MMD2: variants seen among roughly 807,000 people sequenced by gnomAD.
MMD2 encodes the protein monocyte to macrophage differentiation associated 2.
A neutral mutation model predicts 33.5 loss-of-function variants in MMD2; 30 were observed. The observed-to-expected ratio is 0.90, with a 90% CI of 0.67 to 1.22. The LOEUF (loss-of-function observed/expected upper bound fraction) is 1.22, where lower values mean the gene tolerates loss of function less well. Among genes scored for constraint, MMD2 ranks in the 50% most tolerant of loss-of-function variants. The pLI is 0.00. For missense variants in MMD2, 364 were observed against 325.4 expected (o/e 1.12, Z -0.91); for synonymous variants, 129 against 123.0 (o/e 1.05, Z -0.32).
chr7:4,931,579 C>G (rs990259602), intron 1 of MMD2, among the ~76,000 whole-genome samples: 1 of 152,078 alleles, frequency 6.6e-6, no homozygotes, highest in African/African-American at 2.4e-5. Context: ...CAGGTGCACT[C>G]CACCATGCCC....
intron 1 of MMD2, among the ~76,000 whole-genome samples, chr7:4,939,058 C>T (rs1318928593): frequency 2.0e-5 from 3 of 151,854 alleles, no homozygotes; most frequent in Non-Finnish European, 4.4e-5. Context: ...AAATACAAAA[C>T]AATTAGCTGA....
intron 1 of MMD2, among the ~76,000 whole-genome samples, chr7:4,948,756 C>G (rs1182282637): frequency 6.6e-6 from 1 of 152,180 alleles, no homozygotes; most frequent in Non-Finnish European, 1.5e-5. Flanking sequence ...ATCTTGACTT[C>G]CAGCCTCCAG....
intron 3 of MMD2, among the ~76,000 whole-genome samples, chr7:4,918,521 T>C (rs1328140588): frequency 6.7e-6 from 1 of 149,300 alleles, no homozygotes; most frequent in Non-Finnish European, 1.5e-5. Flanking sequence ...TCTCACTCCG[T>C]TGCCTTAGCT....
intron 1 of MMD2, among the ~76,000 whole-genome samples, chr7:4,938,251 C>T (rs1177355423): frequency 1.3e-5 from 2 of 151,914 alleles, no homozygotes; most frequent in African/African-American, 2.4e-5. Context: ...CCTCGTGATC[C>T]GCCCACCTCA....
Position 4,940,759 on chromosome 7 carries a change from G to A in MMD2, c.48-15227C>T, listed in dbSNP as rs1348368659. Among the ~76,000 whole-genome samples the A allele has an allele frequency of 6.6e-6, 1 of 152,172 alleles. No homozygotes were observed. The highest frequency in any genetic ancestry group is 1.5e-5 in the Non-Finnish European group (1 of 68,014). Reference sequence around the variant, plus strand: ...GGGGAAACTGAGCAAGGGGTGGAAGGGGCCCGGGCTTGCATCTCGTGCCAG... The same window carrying A: ...GGGGAAACTGAGCAAGGGGTGGAAGAGGCCCGGGCTTGCATCTCGTGCCAG... On this transcript the variant is annotated intron_variant, in intron 1 of 6. Transcript: ENST00000401401. This position sits in a 1 kb window ranked among gnomAD's most constrained non-coding sequence, Gnocchi z 5.0.
intron 1 of MMD2, among the ~76,000 whole-genome samples, chr7:4,929,732 C>A (rs1245312008): frequency 6.6e-6 from 1 of 151,838 alleles, no homozygotes; most frequent in Non-Finnish European, 1.5e-5. Flanking sequence ...ACTATGTTGG[C>A]CAGGTTGGTC....
the MMD2 span, among the ~76,000 whole-genome samples, chr7:4,898,959 TAGGAAGGAAGGAAGCTAGGA>T: frequency 3.6e-4 from 54 of 149,746 alleles, 1 homozygote; most frequent in South Asian, 2.1e-3. Flanking sequence ...GCAAGCAAGC[TAGGAAGGAAGGAAGCTAGGA>T]AGGAAGGAAG....
the MMD2 span, among the ~76,000 whole-genome samples, chr7:4,895,283 C>T: frequency 1.3e-5 from 2 of 152,114 alleles, no homozygotes; most frequent in South Asian, 2.1e-4. Flanking sequence ...GCCATGTTGG[C>T]GATGCTAGTC....
At chr7:4,924,266 C>T (rs1015166436) in intron 2 of MMD2, among the ~76,000 whole-genome samples, 3 of 152,212 alleles carry the variant, frequency 2.0e-5, no homozygotes, top group Non-Finnish European at 4.4e-5. Context: ...ACACTAAGTT[C>T]GAATCAGCAC....
chr7:4,908,627 C>T (rs62451397), intron 6 of MMD2, among the ~76,000 whole-genome samples: 60,192 of 151,468 alleles, frequency 0.4, 13,099 homozygotes, highest in East Asian at 0.55. Flanking sequence ...AGGCCGGGCA[C>T]GGTGGCTCAC....
At chr7:4,901,661 T>C (rs1413748418), downstream of MMD2, among the ~76,000 whole-genome samples, 1 of 152,212 alleles carries the variant, frequency 6.6e-6, no homozygotes, top group Non-Finnish European at 1.5e-5. Flanking sequence ...TCACCATTTC[T>C]GAATGTCTCT....
chr7:4,898,917 G>A, the MMD2 span, among the ~76,000 whole-genome samples: 16 of 151,522 alleles, frequency 1.1e-4, no homozygotes, highest in Non-Finnish European at 2.1e-4. Context: ...GAAAGAAAGA[G>A]AGACAGAGGA....
chr7:4,947,692 CTTTTTT>C (rs71033002), intron 1 of MMD2, among the ~76,000 whole-genome samples: 2 of 35,844 alleles, frequency 5.6e-5, no homozygotes, highest in Non-Finnish European at 9.7e-5. Flanking sequence ...TGCACCTGGC[CTTTTTT>C]TTTTTTTTTT....
chr7:4,950,841 G>A (rs1477272247), intron 1 of MMD2, among the ~76,000 whole-genome samples: 5 of 151,520 alleles, frequency 3.3e-5, no homozygotes, highest in Non-Finnish European at 7.4e-5. Flanking sequence ...AGCCTCTTAA[G>A]TAGCTGGGAT....
At chr7:4,920,124 T>G (rs1202436786) in intron 3 of MMD2, 47 bp downstream of exon 3, 4 of 1,540,228 alleles carry the variant, frequency 2.6e-6, no homozygotes, top group Non-Finnish European at 3.5e-6. Flanking sequence ...TGGGTCCCCC[T>G]GCCCCGACCC....
intron 2 of MMD2, among the ~76,000 whole-genome samples, chr7:4,923,950 T>C (rs996565146): frequency 7.2e-5 from 11 of 151,970 alleles, no homozygotes; most frequent in Non-Finnish European, 1.6e-4. Flanking sequence ...CCCAGCCCTA[T>C]GGGAGGCCAA....
At chr7:4,930,447 C>G (rs544061380) in intron 1 of MMD2, among the ~76,000 whole-genome samples, 18 of 151,754 alleles carry the variant, frequency 1.2e-4, no homozygotes, top group African/African-American at 4.1e-4. Context: ...TAAGACCAGC[C>G]TGGCTAACAC....
chr7:4,912,284 C>T (rs1007141503), intron 4 of MMD2, among the ~76,000 whole-genome samples: 5 of 151,856 alleles, frequency 3.3e-5, no homozygotes, highest in East Asian at 1.9e-4. Context: ...GTTGGCCGGG[C>T]GCGGTGGCTC....
the MMD2 span, among the ~76,000 whole-genome samples, chr7:4,896,697 G>A: frequency 2.0e-5 from 3 of 151,980 alleles, no homozygotes; most frequent in Admixed American, 2.0e-4. Context: ...CACTATTTTA[G>A]GATAATTTAT....
Sources: gnomAD v4.1 joint callset for allele counts (sites outside exome capture counted in the v4.1 genomes callset) on GRCh38, gnomAD v4.1.1 for gene constraint, Gnocchi (gnomAD v3.1) non-coding constraint, MANE v1.5 for transcripts, NCBI Gene and HGNC (gene_info 2026-07-23, HGNC 2026-07-21) for gene names.